The following MTX2 variants were observed in gnomAD, a reference collection of about 807,000 sequenced individuals.
MTX2 encodes the protein metaxin-2.
In MTX2, 35 loss-of-function variants were observed where a neutral mutation model predicts 42.3. The observed-to-expected ratio is 0.83, with a 90% CI of 0.63 to 1.10. The LOEUF is 1.10. MTX2 is among the 50% of genes least tolerant of loss of function. MTX2 has a pLI of 0.00. For missense variants in MTX2, 307 were observed against 304.1 expected (o/e 1.01, Z -0.07); for synonymous variants, 119 against 100.9 (o/e 1.18, Z -1.08).
chr2:176,296,058 A>T (rs1683868068), intron 1 of MTX2, among the ~76,000 whole-genome samples: 1 of 152,170 alleles, frequency 6.6e-6, no homozygotes, highest in Admixed American at 6.5e-5. Flanking sequence ...ATTGCTTCTT[A>T]AGTGCAGTTG....
intron 1 of MTX2, among the ~76,000 whole-genome samples, chr2:176,278,202 C>G (rs1038078965): frequency 2.0e-5 from 3 of 151,694 alleles, no homozygotes; most frequent in Non-Finnish European, 4.4e-5. Context: ...AGGTGCCCAC[C>G]ACCACACCTG....
intron 4 of MTX2, among the ~76,000 whole-genome samples, chr2:176,325,930 G>A (rs1240268158): frequency 6.6e-6 from 1 of 151,554 alleles, no homozygotes; most frequent in African/African-American, 2.4e-5. Context: ...CTTTTGTTAG[G>A]CCTCTGTACT....
chr2:176,289,461 AT>A (rs1693278758), intron 1 of MTX2, among the ~76,000 whole-genome samples: 1 of 152,100 alleles, frequency 6.6e-6, no homozygotes, highest in Non-Finnish European at 1.5e-5. Context: ...CCTGGGCAAA[AT>A]TGGGAAGTAG....
chr2:176,270,324 C>G, intron 1 of MTX2: 1 of 1,338,724 alleles, frequency 7.5e-7, no homozygotes, highest in Non-Finnish European at 9.9e-7. Flanking sequence ...GCGCCCGCCA[C>G]CACGCCCGCG....
At position 176,270,508 on chromosome 2, in the gene MTX2, C is replaced by G. The variant is rs1258904691; in HGVS notation, c.40+839C>G. ...AAAGTGAGGAGACTAAACATAGGTA[C>G]TTTGAGATAGAGGCTAATGGAATTA... On this transcript the variant is annotated intron_variant, in intron 1 of 9. Transcript: ENST00000249442. 4.3e-6 allele frequency: 4 copies of G among 940,708 alleles called. No homozygotes were observed. In the African/African-American group the frequency reaches 5.2e-5, roughly 12 times the overall value. 58.3% of individuals were successfully genotyped at this position (940,708 alleles called of 1,614,324 possible).
chr2:176,331,830 T>C (rs1264369200), intron 9 of MTX2, among the ~76,000 whole-genome samples: 1 of 151,276 alleles, frequency 6.6e-6, no homozygotes, highest in Non-Finnish European at 1.5e-5. Context: ...TTCTTAGGAA[T>C]TGAAAAGCTC....
chr2:176,325,768 A>T (rs182432357), intron 4 of MTX2, among the ~76,000 whole-genome samples: 29 of 151,556 alleles, frequency 1.9e-4, no homozygotes, highest in East Asian at 1.7e-3. Context: ...AGATAAAAAA[A>T]TTTTTTTTTG....
chr2:176,306,233 A>G (rs552094445), intron 3 of MTX2, among the ~76,000 whole-genome samples: 5 of 152,296 alleles, frequency 3.3e-5, no homozygotes, highest in Admixed American at 2.0e-4. Context: ...CCTACAAAGG[A>G]CATGAATTCA....
At chr2:176,309,355 G>T (rs1575050126) in intron 3 of MTX2, among the ~76,000 whole-genome samples, 1 of 152,176 alleles carries the variant, frequency 6.6e-6, no homozygotes, top group Non-Finnish European at 1.5e-5. Context: ...TTGCTGAGAA[G>T]AATGTATATT....
chr2:176,319,094 A>G (rs1276151175), intron 3 of MTX2, among the ~76,000 whole-genome samples: 1 of 152,250 alleles, frequency 6.6e-6, no homozygotes, highest in African/African-American at 2.4e-5. Flanking sequence ...AGTTTGGAAT[A>G]AAGTATTCAA....
At chr2:176,313,388 CTTTT>C (rs1207416607) in intron 3 of MTX2, among the ~76,000 whole-genome samples, 1 of 103,488 alleles carries the variant, frequency 9.7e-6, no homozygotes, top group South Asian at 3.4e-4. Flanking sequence ...TACACTGATT[CTTTT>C]TTTTTTTTTT....
chr2:176,311,960 C>G lies in MTX2; in HGVS notation c.136-11432C>G, dbSNP rs141812805. 3.0e-3 allele frequency among the ~76,000 whole-genome samples: 463 copies of G among 152,320 alleles called. 5 individuals are homozygous for G. Among genetic ancestry groups the G allele is most frequent in the African/African-American group, 0.01 (420 of 41,586 alleles). On this transcript the variant is annotated intron_variant, in intron 3 of 9. Transcript: ENST00000249442. ...GAACTAGGTACCTCAGCTGGAAATG[C>G]AGAAATCACCCATCTTCTGCGTTGA...
chr2:176,328,322 A>G lies in MTX2; in HGVS notation c.315A>G (p.Glu105=), dbSNP rs749867275. 25 of 1,591,346 alleles carry G rather than the reference A, an allele frequency of 1.6e-5. No individual in the cohort carries two copies. The highest frequency in any genetic ancestry group is 2.3e-5 in the East Asian group (1 of 43,960). The change falls in exon 6 of 10, where the codon GAA becomes GAG. Residue 105 remains glutamate (E), a synonymous_variant. Transcript: ENST00000249442. ...ATTCTCTTAGTGATGGGCTGGAGGA[A>G]GTCCAAAAAGCAGAAATGAAAGCTT... is the stretch of plus-strand genomic sequence containing the variant. ...KGHSLSDGLE[E]VQKAEMKAYM...
At chr2:176,314,309 C>T (rs546240063) in intron 3 of MTX2, among the ~76,000 whole-genome samples, 8 of 152,030 alleles carry the variant, frequency 5.3e-5, no homozygotes, top group African/African-American at 9.6e-5. Flanking sequence ...TAGTAGTACA[C>T]GCCTGTAGTC....
intron 3 of MTX2, 100 bp downstream of exon 3, chr2:176,297,995 A>T: frequency 1.4e-6 from 1 of 725,956 alleles, no homozygotes; most frequent in Non-Finnish European, 2.1e-6. Flanking sequence ...GTCTGATACT[A>T]TATGTTTAGA....
chr2:176,286,091 T>G (rs1316206692), intron 1 of MTX2, among the ~76,000 whole-genome samples: 1 of 152,180 alleles, frequency 6.6e-6, no homozygotes, highest in Non-Finnish European at 1.5e-5. Flanking sequence ...CATGGTGGTT[T>G]TGGTTTGCAT....
intron 3 of MTX2, among the ~76,000 whole-genome samples, chr2:176,298,921 A>C (rs949250989): frequency 1.3e-5 from 2 of 152,116 alleles, no homozygotes; most frequent in East Asian, 1.9e-4. Flanking sequence ...TAGCCAGGCT[A>C]TTCTGCATGT....
At chr2:176,282,134 T>TGTTTTTTTTTTTTG (rs1163365846) in intron 1 of MTX2, among the ~76,000 whole-genome samples, 2 of 134,348 alleles carry the variant, frequency 1.5e-5, no homozygotes, top group African/African-American at 5.6e-5. Context: ...TAGTTTTTTT[T>TGTTTTTTTTTTTTG]TTTTTTTTTT....
intron 3 of MTX2, among the ~76,000 whole-genome samples, chr2:176,301,719 A>G (rs1463557004): frequency 1.3e-5 from 2 of 152,206 alleles, no homozygotes; most frequent in Non-Finnish European, 1.5e-5. Flanking sequence ...ACAATAAGTG[A>G]TCATTTAATC....
Sources: allele counts gnomAD v4.1 joint callset (sites outside exome capture counted in the v4.1 genomes callset), GRCh38; gene constraint gnomAD v4.1.1; transcripts MANE v1.5; gene names NCBI Gene and HGNC (gene_info 2026-07-23, HGNC 2026-07-21).